The following PDZRN3 variants were observed in gnomAD, a reference collection of about 807,000 sequenced individuals.
PDZRN3 encodes the protein E3 ubiquitin-protein ligase PDZRN3.
Under a neutral mutation model 85.7 loss-of-function variants are expected in PDZRN3, and 38 were observed. The observed-to-expected ratio is 0.44, with a 90% confidence interval of 0.34 to 0.58. PDZRN3 has a LOEUF of 0.58. Ranked by LOEUF, PDZRN3 falls within the 20% of genes least tolerant of loss-of-function variation. PDZRN3 has a pLI of 0.01. For synonymous variants in PDZRN3, 759 were observed against 638.0 expected, an observed-to-expected ratio of 1.19 and a Z score of -2.86; for missense variants, 1,629 against 1,506.4, an observed-to-expected ratio of 1.08 and a Z score of -1.35.
chr3:73,416,890 T>TTTTTTTTTTTTTTTTTTTTTTTTTG (rs1559667740), intron 3 of PDZRN3, among the ~76,000 whole-genome samples: 2 of 139,958 alleles, frequency 1.4e-5, no homozygotes, highest in African/African-American at 5.6e-5. Context: ...TTTTTTTTTT[T>TTTTTTTTTTTTTTTTTTTTTTTTTG]TTTTTTTTTT....
chr3:73,454,315 G>C (rs1305804680), intron 3 of PDZRN3, among the ~76,000 whole-genome samples: 1 of 152,142 alleles, frequency 6.6e-6, no homozygotes, highest in Non-Finnish European at 1.5e-5. Context: ...GTAGGGAGAG[G>C]AAGGGGCCTA....
At position 73,624,463 on chromosome 3, in the gene PDZRN3, C is replaced by A; in HGVS notation, c.363G>T (p.Leu121=). 7.3e-7 allele frequency: 1 copy of A among 1,371,624 alleles called. No homozygotes were observed. The highest frequency in any genetic ancestry group is 9.3e-7 in the Non-Finnish European group (1 of 1,070,620). 85.0% of individuals were successfully genotyped at this position (1,371,624 alleles called of 1,614,324 possible). ...TGTGCGCCTCCACGTCGCGCCGCAG[C>A]AGCACCTGGCCGCAACCCGCGTGGC... ...RCRHAGCGQV[L]LRRDVEAHMR... Residue 121 remains leucine (L), a synonymous_variant, in exon 1 of 10, where the codon CTG becomes CTT. Transcript: ENST00000263666.
intron 3 of PDZRN3, among the ~76,000 whole-genome samples, chr3:73,451,829 G>A (rs889815835): frequency 2.0e-5 from 3 of 150,202 alleles, no homozygotes; most frequent in African/African-American, 5.0e-5. Flanking sequence ...ATTGAATCCC[G>A]CAGATGCTCT....
At chr3:73,534,810 T>G (rs1466658719) in intron 3 of PDZRN3, among the ~76,000 whole-genome samples, 1 of 152,214 alleles carries the variant, frequency 6.6e-6, no homozygotes, top group Non-Finnish European at 1.5e-5. Flanking sequence ...AGGGTAGATG[T>G]CATTTCTATC....
intron 3 of PDZRN3, among the ~76,000 whole-genome samples, chr3:73,463,831 A>C (rs1468832072): frequency 6.6e-6 from 1 of 152,208 alleles, no homozygotes; most frequent in Admixed American, 6.5e-5. Context: ...ATGGAAAAAT[A>C]ACTAATGGAT....
intron 3 of PDZRN3, among the ~76,000 whole-genome samples, chr3:73,539,527 C>T (rs1040854961): frequency 6.6e-6 from 1 of 152,074 alleles, no homozygotes; most frequent in Non-Finnish European, 1.5e-5. Context: ...AGACAGCATC[C>T]ACTCTTGCCC....
intron 5 of PDZRN3, among the ~76,000 whole-genome samples, chr3:73,396,778 T>C (rs983176519): frequency 6.6e-6 from 1 of 152,166 alleles, no homozygotes; most frequent in Non-Finnish European, 1.5e-5. Context: ...ATTAAAACAA[T>C]AGACAAAAGG....
chr3:73,501,130 C>T (rs915989531), intron 3 of PDZRN3, among the ~76,000 whole-genome samples: 2 of 152,184 alleles, frequency 1.3e-5, no homozygotes, highest in African/African-American at 4.8e-5. Context: ...CTCTTGCTAA[C>T]ATTTGGCCAT....
intron 3 of PDZRN3, among the ~76,000 whole-genome samples, chr3:73,430,043 T>C (rs1340589003): frequency 6.6e-6 from 1 of 152,236 alleles, no homozygotes; most frequent in Non-Finnish European, 1.5e-5. Context: ...CATTCATTCA[T>C]TGACAATGCT....
At chr3:73,605,037 A>G (rs963254618) in intron 2 of PDZRN3, among the ~76,000 whole-genome samples, 1 of 152,140 alleles carries the variant, frequency 6.6e-6, no homozygotes, top group African/African-American at 2.4e-5. Context: ...CCTGAACAAC[A>G]TGGTGAAACC....
intron 3 of PDZRN3, among the ~76,000 whole-genome samples, chr3:73,436,108 C>T (rs1483731835): frequency 1.3e-5 from 2 of 152,204 alleles, no homozygotes; most frequent in Non-Finnish European, 2.9e-5. Context: ...AAAGCCTTTG[C>T]CAGGTATCTT....
intron 5 of PDZRN3, among the ~76,000 whole-genome samples, chr3:73,396,028 GC>G (rs1701628321): frequency 6.6e-6 from 1 of 152,258 alleles, no homozygotes; most frequent in South Asian, 2.1e-4. Context: ...TTTGAGACCA[GC>G]CTGGCCGACA....
At chr3:73,460,255 A>G (rs541347083) in intron 3 of PDZRN3, among the ~76,000 whole-genome samples, 73 of 152,350 alleles carry the variant, frequency 4.8e-4, no homozygotes, top group Admixed American at 4.7e-3. Context: ...CTGAAAAAAT[A>G]TATCAATAGG....
At chr3:73,393,532 G>A (rs913241210) in intron 5 of PDZRN3, among the ~76,000 whole-genome samples, 2 of 152,148 alleles carry the variant, frequency 1.3e-5, no homozygotes, top group East Asian at 1.9e-4. Flanking sequence ...TGAACGCGTC[G>A]CAGATGGGGT....
chr3:73,566,725 C>A (rs1701956281), intron 3 of PDZRN3, among the ~76,000 whole-genome samples: 1 of 152,156 alleles, frequency 6.6e-6, no homozygotes, highest in African/African-American at 2.4e-5. Context: ...TTCTGTCCAA[C>A]AAACCACTAA....
Position 73,433,685 on chromosome 3 carries a change from A to G in PDZRN3, c.919-29290T>C, listed in dbSNP as rs749425001. 4.6e-6 allele frequency: 7 copies of G among 1,536,116 alleles called. No individual in the cohort carries two copies. In the South Asian group the frequency reaches 8.3e-5, roughly 18 times the overall value. On this transcript the variant is annotated intron_variant, in intron 3 of 9. Transcript: ENST00000263666. ...TTTGTACTGCTCCTCTTGCTTCTGCAGGCTGCACAGACTGCATCCCATGTT... is the reference window on the plus strand; with the variant it reads ...TTTGTACTGCTCCTCTTGCTTCTGCGGGCTGCACAGACTGCATCCCATGTT...
At chr3:73,597,834 T>G (rs1702453918) in intron 3 of PDZRN3, among the ~76,000 whole-genome samples, 1 of 152,050 alleles carries the variant, frequency 6.6e-6, no homozygotes, top group African/African-American at 2.4e-5. Context: ...GGCCTCAGTT[T>G]CTCGGTGTTT....
intron 3 of PDZRN3, among the ~76,000 whole-genome samples, chr3:73,503,380 G>C (rs1184095981): frequency 6.6e-6 from 1 of 152,126 alleles, no homozygotes; most frequent in Non-Finnish European, 1.5e-5. Flanking sequence ...ATCTGGGAAT[G>C]CATAACCAAA....
intron 3 of PDZRN3, among the ~76,000 whole-genome samples, chr3:73,438,469 T>G (rs1702572707): frequency 6.6e-6 from 1 of 152,264 alleles, no homozygotes. Flanking sequence ...CTCACCATGC[T>G]ATGAACTTCC....
Sources: allele counts gnomAD v4.1 joint callset (sites outside exome capture counted in the v4.1 genomes callset), GRCh38; gene constraint gnomAD v4.1.1; transcripts MANE v1.5; gene names NCBI Gene and HGNC (gene_info 2026-07-23, HGNC 2026-07-21).